Variants in LRRC4C observed in about 807,000 individuals in gnomAD.
LRRC4C encodes leucine rich repeat containing 4C, also known as leucine-rich repeat-containing protein 4C.
Under a neutral mutation model 33.6 loss-of-function variants are expected in LRRC4C, and 5 were observed. The observed-to-expected ratio is 0.15, with a 90% CI of 0.08 to 0.31. The LOEUF is 0.31. Among genes scored for constraint, LRRC4C ranks in the 10% least tolerant of loss-of-function variants. The probability of loss-of-function intolerance (pLI) is 1.00; values close to 1 mark genes in which losing one functional copy is unlikely to be tolerated. For synonymous variants in LRRC4C, 329 were observed against 302.0 expected, an observed-to-expected ratio of 1.09 and a Z score of -0.93; for missense variants, 560 against 796.7, an observed-to-expected ratio of 0.70 and a Z score of 3.58.
chr11:40,628,480 A>AAAAAACAAAAC (rs1555123959), intron 3 of LRRC4C, among the ~76,000 whole-genome samples: 1 of 150,818 alleles, frequency 6.6e-6, no homozygotes, highest in African/African-American at 2.4e-5. Flanking sequence ...TCCATCTCAA[A>AAAAAACAAAAC]AAAACAAAAC....
At chr11:40,342,263 G>A (rs1026673703) in intron 3 of LRRC4C, among the ~76,000 whole-genome samples, 4 of 152,140 alleles carry the variant, frequency 2.6e-5, no homozygotes, top group Non-Finnish European at 5.9e-5. Flanking sequence ...GAGGTCAACA[G>A]ATCAAGACAA....
chr11:40,297,600 T>TC (rs1317605726), intron 4 of LRRC4C, among the ~76,000 whole-genome samples: 1 of 152,140 alleles, frequency 6.6e-6, no homozygotes, highest in Non-Finnish European at 1.5e-5. Flanking sequence ...TGCTTTTTTT[T>TC]CAAGGTCCCC....
At chr11:41,022,312 A>C (rs1326982547) in intron 1 of LRRC4C, among the ~76,000 whole-genome samples, 1 of 151,764 alleles carries the variant, frequency 6.6e-6, no homozygotes, top group Non-Finnish European at 1.5e-5. Flanking sequence ...TCTTTAAAAA[A>C]AGTGAACTTT....
intron 1 of LRRC4C, among the ~76,000 whole-genome samples, chr11:41,242,933 GT>G (rs975050713): frequency 2.4e-4 from 37 of 152,134 alleles, no homozygotes; most frequent in African/African-American, 8.9e-4. Context: ...AATTAACTTG[GT>G]TTTTCTTAAA....
chr11:41,183,563 T>C (rs1945551046), intron 1 of LRRC4C, among the ~76,000 whole-genome samples: 1 of 152,182 alleles, frequency 6.6e-6, no homozygotes. Context: ...CCCAGGGTCT[T>C]GGGAAGCTCC....
At chr11:41,114,798 A>G (rs928915053) in intron 1 of LRRC4C, among the ~76,000 whole-genome samples, 2 of 152,128 alleles carry the variant, frequency 1.3e-5, no homozygotes, top group African/African-American at 4.8e-5. Context: ...AAATCAAAGA[A>G]AGTAGTAAAT....
chr11:40,933,880 T>A (rs1957746368), intron 1 of LRRC4C, among the ~76,000 whole-genome samples, 157 bp from the exon 2 acceptor site: 1 of 152,236 alleles, frequency 6.6e-6, no homozygotes, highest in African/African-American at 2.4e-5. Flanking sequence ...ATATTCATTT[T>A]ATAATATGCC....
At chr11:40,485,115 C>T (rs537921572) in intron 3 of LRRC4C, among the ~76,000 whole-genome samples, 1 of 151,976 alleles carries the variant, frequency 6.6e-6, no homozygotes, top group Admixed American at 6.6e-5. Flanking sequence ...CTCAAAATCA[C>T]AAGGTGTATT....
chr11:40,242,099 A>G (rs891218870), intron 4 of LRRC4C, among the ~76,000 whole-genome samples: 7 of 152,182 alleles, frequency 4.6e-5, no homozygotes, highest in African/African-American at 1.7e-4. Flanking sequence ...AAATCAACCT[A>G]AAAAGGAACT....
chr11:40,983,244 C>T (rs1852670297), intron 1 of LRRC4C, among the ~76,000 whole-genome samples: 1 of 152,184 alleles, frequency 6.6e-6, no homozygotes, highest in Non-Finnish European at 1.5e-5. Flanking sequence ...AGAATCACCA[C>T]ACTGTCTTCC....
intron 1 of LRRC4C, among the ~76,000 whole-genome samples, chr11:41,368,015 C>A (rs989353403): frequency 2.6e-5 from 4 of 152,152 alleles, no homozygotes; most frequent in African/African-American, 4.8e-5. Flanking sequence ...AGTCATTTTA[C>A]AAAGTGCTTG....
chr11:41,375,103 G>A (rs1952889542), intron 1 of LRRC4C, among the ~76,000 whole-genome samples: 1 of 152,054 alleles, frequency 6.6e-6, no homozygotes, highest in African/African-American at 2.4e-5. Context: ...CTCCAGCCTG[G>A]GTGATGGGAG....
chr11:41,385,033 C>A (rs1953303483), intron 1 of LRRC4C, among the ~76,000 whole-genome samples: 1 of 150,432 alleles, frequency 6.6e-6, no homozygotes, highest in Non-Finnish European at 1.5e-5. Flanking sequence ...AGTCAGTATA[C>A]AATTGTCCAG....
chr11:40,800,550 G>A (rs1950999914), intron 2 of LRRC4C, among the ~76,000 whole-genome samples: 1 of 152,052 alleles, frequency 6.6e-6, no homozygotes. Context: ...CCATCGTCTT[G>A]TATATATTGA....
intron 1 of LRRC4C, among the ~76,000 whole-genome samples, chr11:41,176,093 T>C (rs567612597): frequency 6.6e-6 from 1 of 152,372 alleles, no homozygotes; most frequent in African/African-American, 2.4e-5. Context: ...AAAGTCATTA[T>C]AGCAGTGACT....
At chr11:40,692,794 TGTATAGG>T (rs539589485) in intron 2 of LRRC4C, among the ~76,000 whole-genome samples, 2 of 152,234 alleles carry the variant, frequency 1.3e-5, no homozygotes, top group African/African-American at 4.8e-5. Context: ...TTAGGCTATA[TGTATAGG>T]GTGATGTGAA....
intron 1 of LRRC4C, among the ~76,000 whole-genome samples, chr11:41,129,202 G>T (rs1439676827): frequency 6.6e-6 from 1 of 151,718 alleles, no homozygotes; most frequent in Non-Finnish European, 1.5e-5. Context: ...TTATAATTAG[G>T]TCTCTCGTTC....
intron 3 of LRRC4C, among the ~76,000 whole-genome samples, chr11:40,377,879 G>A (rs1396412476): frequency 1.3e-5 from 2 of 152,040 alleles, no homozygotes; most frequent in African/African-American, 2.4e-5. Flanking sequence ...TACAGTGGTA[G>A]AGGCCAGTGA....
chr11:41,089,044 A>G (rs1321819490), intron 1 of LRRC4C, among the ~76,000 whole-genome samples: 2 of 152,084 alleles, frequency 1.3e-5, no homozygotes, highest in African/African-American at 4.8e-5. Context: ...CATCTTGTGT[A>G]TAAGTATTTA....
Sources: gnomAD v4.1 joint callset for allele counts (sites outside exome capture counted in the v4.1 genomes callset) on GRCh38, gnomAD v4.1.1 for gene constraint, MANE v1.5 for transcripts, NCBI Gene and HGNC (gene_info 2026-07-23, HGNC 2026-07-21) for gene names.